MYO1H: variants seen among roughly 807,000 people sequenced by gnomAD.
The protein encoded by MYO1H is myosin IH, also known as unconventional myosin-Ih.
MYO1H carries 118 observed loss-of-function variants against 149.3 expected under a neutral mutation model. That is an observed-to-expected ratio of 0.79 (90% CI 0.68 to 0.92). MYO1H has a LOEUF of 0.92. Among genes scored for constraint, MYO1H ranks in the 40% least tolerant of loss-of-function variants. MYO1H has a pLI of 0.00. For missense variants in MYO1H, 1,212 were observed against 1,280.7 expected (o/e 0.95, Z 0.82); for synonymous variants, 447 against 465.2 (o/e 0.96, Z 0.50).
intron 1 of MYO1H, among the ~76,000 whole-genome samples, chr12:109,349,672 AAAAAG>A (rs1207722869): frequency 1.3e-5 from 2 of 151,774 alleles, no homozygotes; most frequent in Non-Finnish European, 1.5e-5. Context: ...AAAAAAAAAA[AAAAAG>A]AGGCCGGGTG....
chr12:109,357,801 T>C (rs1185499543), intron 1 of MYO1H, among the ~76,000 whole-genome samples: 1 of 115,512 alleles, frequency 8.7e-6, no homozygotes, highest in Non-Finnish European at 1.7e-5. Flanking sequence ...CTTGATTTTT[T>C]TTCTCCCAAC....
At position 109,397,715 on chromosome 12, in the gene MYO1H, A is replaced by C. The variant is rs1473933828; in HGVS notation, c.490-17A>C. On this transcript the variant is annotated splice_polypyrimidine_tract_variant and intron_variant, in intron 4 of 31. Coordinates refer to ENST00000310903, the Ensembl canonical transcript of MYO1H. ...TGGTGAGCTTAAATGACAGTGAATG[A>C]CACTTTGTATTCCAAGGCTTTTGGA... is the stretch of plus-strand genomic sequence containing the variant. 2.5e-6 allele frequency: 4 copies of C among 1,603,254 alleles called. No homozygotes were observed. In the African/African-American group the frequency reaches 5.4e-5, roughly 22 times the overall value.
At chr12:109,318,632 A>AC in the MYO1H span, among the ~76,000 whole-genome samples, 1 of 151,806 alleles carries the variant, frequency 6.6e-6, no homozygotes, top group Non-Finnish European at 1.5e-5. Context: ...ACATCAGACA[A>AC]CCCCAAGTTG....
Position 109,426,048 on chromosome 12 carries a change from C to T in MYO1H, c.1828C>T (p.Pro610Ser), listed in dbSNP as rs373911432. The T allele has an allele frequency of 2.2e-5, 36 of 1,610,286 alleles. No homozygotes were observed. In the African/African-American group the frequency reaches 4.1e-4, roughly 19 times the overall value. The stretch of plus-strand genomic sequence containing the variant: ...CATCAAGCCCAACGACAGGAAAGAA[C>T]CCAGTGAGTTGTGGATCATTATGAA... The change falls in exon 18 of 32, where the codon CCC becomes TCC. Residue 610 changes from proline to serine, a missense_variant. Coordinates refer to ENST00000310903, the Ensembl canonical transcript of MYO1H.
At chr12:109,348,067 G>T (rs1868375331) in intron 1 of MYO1H, 95 bp downstream of exon 1, 1 of 398,924 alleles carries the variant, frequency 2.5e-6, no homozygotes. Context: ...CCTCTGCTAG[G>T]CCTGGAGAGA....
At chr12:109,344,808 T>G (rs2048097738), upstream of MYO1H, among the ~76,000 whole-genome samples, 1 of 152,186 alleles carries the variant, frequency 6.6e-6, no homozygotes, top group Non-Finnish European at 1.5e-5. Context: ...AATTAAAAGT[T>G]CAGGTGTAAA....
rs190998944 is a variant in MYO1H, at chr12:109,370,120, A to G, written c.13-18563A>G. Among the ~76,000 whole-genome samples, 393 of 152,136 alleles carry G rather than the reference A, an allele frequency of 2.6e-3. 4 individuals are homozygous for G. Among genetic ancestry groups the G allele is most frequent in the African/African-American group, 9.0e-3 (374 of 41,516 alleles). ...ACACATGGGAATTGTGGGAGCTACA[A>G]CTCAAGATGAGATTTGGGTGGGGAC... On this transcript the variant is annotated intron_variant, in intron 1 of 31. Transcript: ENST00000310903.
the MYO1H span, among the ~76,000 whole-genome samples, chr12:109,319,660 A>C: frequency 6.6e-6 from 1 of 152,130 alleles, no homozygotes; most frequent in Non-Finnish European, 1.5e-5. Context: ...TGCCATGAGA[A>C]AGGTCTATGG....
intron 11 of MYO1H, 53 bp downstream of exon 11, chr12:109,409,677 A>T (rs1870581290): frequency 3.5e-6 from 5 of 1,410,406 alleles, no homozygotes; most frequent in Non-Finnish European, 5.0e-6. Context: ...TTAAGATTTC[A>T]GTCGAGATTT....
At chr12:109,334,616 C>G in the MYO1H span, among the ~76,000 whole-genome samples, 1 of 152,204 alleles carries the variant, frequency 6.6e-6, no homozygotes, top group East Asian at 1.9e-4. Flanking sequence ...AAGTTTCCTT[C>G]TCCTTTTTAG....
chr12:109,422,947 T>C (rs2135575007), intron 16 of MYO1H, among the ~76,000 whole-genome samples: 1 of 152,042 alleles, frequency 6.6e-6, no homozygotes, highest in South Asian at 2.1e-4. Flanking sequence ...CTGGGTGTGG[T>C]GGCACACCCC....
At chr12:109,430,441 C>A (rs1871561140) in intron 19 of MYO1H, among the ~76,000 whole-genome samples, 1 of 152,164 alleles carries the variant, frequency 6.6e-6, no homozygotes, top group African/African-American at 2.4e-5. Flanking sequence ...TGGTATTGCG[C>A]AAGGTCTGCA....
At chr12:109,395,848 GT>G (rs1023488284) in intron 3 of MYO1H, among the ~76,000 whole-genome samples, 10 of 151,542 alleles carry the variant, frequency 6.6e-5, no homozygotes, top group African/African-American at 2.4e-4. Flanking sequence ...AGGATTTTTT[GT>G]TTTTTTGTTT....
intron 15 of MYO1H, among the ~76,000 whole-genome samples, chr12:109,418,105 C>T (rs943385782): frequency 6.6e-6 from 1 of 151,836 alleles, no homozygotes; most frequent in Admixed American, 6.6e-5. Flanking sequence ...TGTGAGCCAC[C>T]GCGCCCGGCC....
intron 27 of MYO1H, among the ~76,000 whole-genome samples, 147 bp from the exon 28 acceptor site, chr12:109,443,353 TATACACACACACAC>T (rs1310727257): frequency 2.2e-5 from 2 of 91,958 alleles, no homozygotes; most frequent in Non-Finnish European, 4.4e-5. Flanking sequence ...TATGTGTGTA[TATACACACACACAC>T]ACACACACAC....
intron 15 of MYO1H, among the ~76,000 whole-genome samples, chr12:109,418,893 T>C (rs1385876673): frequency 6.6e-6 from 1 of 151,516 alleles, no homozygotes; most frequent in Admixed American, 6.6e-5. Context: ...TTTTAAAAAG[T>C]AATTACACAT....
chr12:109,339,094 G>C, the MYO1H span, among the ~76,000 whole-genome samples: 1 of 152,188 alleles, frequency 6.6e-6, no homozygotes, highest in Non-Finnish European at 1.5e-5. Context: ...GCCAGGTGCA[G>C]TGGCTCATGC....
the MYO1H span, among the ~76,000 whole-genome samples, chr12:109,323,671 C>T: frequency 6.6e-6 from 1 of 152,196 alleles, no homozygotes; most frequent in African/African-American, 2.4e-5. Flanking sequence ...AGAAGGTCTG[C>T]TGTTTTTGAC....
intron 31 of MYO1H, 148 bp downstream of exon 31, chr12:109,445,760 G>C: frequency 7.3e-7 from 1 of 1,362,644 alleles, no homozygotes; most frequent in Non-Finnish European, 9.4e-7. Flanking sequence ...ACATCTGTAA[G>C]ACAGGAAGAA....
Sources: allele counts gnomAD v4.1 joint callset (sites outside exome capture counted in the v4.1 genomes callset), GRCh38; gene constraint gnomAD v4.1.1; transcripts MANE v1.5; gene names NCBI Gene and HGNC (gene_info 2026-07-23, HGNC 2026-07-21).